Variants in FGF13 observed in about 807,000 individuals in gnomAD.
The protein encoded by FGF13 is fibroblast growth factor homologous factor 2.
A neutral mutation model predicts 19.5 loss-of-function variants in FGF13; 2 were observed. The ratio of observed to expected loss-of-function variants is 0.10; its 90% confidence interval spans 0.04 to 0.32. The LOEUF (loss-of-function observed/expected upper bound fraction) is 0.32. Ranked by LOEUF, FGF13 falls within the 10% of genes least tolerant of loss-of-function variation. The pLI is 1.00. For synonymous variants in FGF13, 72 were observed against 76.9 expected, an observed-to-expected ratio of 0.94 and a Z score of 0.33; for missense variants, 113 against 192.7, an observed-to-expected ratio of 0.59 and a Z score of 2.45.
At chrX:138,663,055 A>C (rs1362195083) in intron 3 of FGF13, among the ~76,000 whole-genome samples, 1 of 111,793 alleles carries the variant, frequency 8.9e-6, no homozygotes, top group Admixed American at 9.5e-5. Context: ...GGACTAATGG[A>C]AAGAAAGAAA....
chrX:138,703,163 G>T, intron 2 of FGF13, 76 bp from the exon 3 acceptor site: 1 of 775,933 alleles, frequency 1.3e-6, no homozygotes, highest in Non-Finnish European at 2.0e-6. Flanking sequence ...CAGCAGGACT[G>T]CCTGGTCCTC....
intron 1 of FGF13, among the ~76,000 whole-genome samples, chrX:139,115,250 G>A (rs746923656): frequency 3.2e-4 from 36 of 111,894 alleles, no homozygotes; most frequent in Non-Finnish European, 6.0e-4. Flanking sequence ...TCTGCTAGTT[G>A]ATTATCCAAC....
At chrX:138,780,257 T>TA (rs1368579896) in intron 3 of FGF13, among the ~76,000 whole-genome samples, 4 of 105,196 alleles carry the variant, frequency 3.8e-5, no homozygotes, top group Non-Finnish European at 7.8e-5. Context: ...CTGCATCAAC[T>TA]AACGAGCAAA....
At chrX:138,774,627 G>A (rs1047518508) in intron 3 of FGF13, among the ~76,000 whole-genome samples, 1 of 111,184 alleles carries the variant, frequency 9.0e-6, no homozygotes, top group African/African-American at 3.3e-5. Context: ...CACACTGTTG[G>A]CACTTAACAG....
intron 1 of FGF13, among the ~76,000 whole-genome samples, chrX:139,112,600 C>A (rs979818423): frequency 3.6e-5 from 4 of 111,804 alleles, no homozygotes; most frequent in African/African-American, 1.3e-4. Context: ...CCAGTCACAA[C>A]TGGGCTCAAA....
chrX:138,715,698 C>T (rs1452826004), upstream of FGF13, among the ~76,000 whole-genome samples: 1 of 112,363 alleles, frequency 8.9e-6, no homozygotes, highest in Non-Finnish European at 1.9e-5. Flanking sequence ...TACTTCCCAT[C>T]TCTCTGTTCT....
chrX:139,080,834 T>C (rs187276882), intron 1 of FGF13, among the ~76,000 whole-genome samples: 374 of 111,552 alleles, frequency 3.4e-3, no homozygotes, highest in African/African-American at 0.012. Flanking sequence ...ATCCTCCCAC[T>C]ACCACATTTA....
chrX:139,050,464 A>T (rs2092300545), intron 1 of FGF13, among the ~76,000 whole-genome samples: 1 of 112,147 alleles, frequency 8.9e-6, no homozygotes, highest in Non-Finnish European at 1.9e-5. Flanking sequence ...ACAGCCAAAT[A>T]TCAAAAGCAT....
chrX:139,085,728 CA>C (rs200513740), intron 1 of FGF13, among the ~76,000 whole-genome samples: 2 of 110,300 alleles, frequency 1.8e-5, no homozygotes, highest in Non-Finnish European at 3.8e-5. Context: ...ACCTAAATGT[CA>C]AAAAAAAGCC....
chrX:139,063,504 A>C (rs1332918600), intron 1 of FGF13, among the ~76,000 whole-genome samples: 1 of 111,863 alleles, frequency 8.9e-6, no homozygotes, highest in Non-Finnish European at 1.9e-5. Context: ...TTCAAGTTCA[A>C]GTATAATGTT....
chrX:138,882,013 T>C (rs888082565), intron 1 of FGF13, among the ~76,000 whole-genome samples: 3 of 110,751 alleles, frequency 2.7e-5, no homozygotes, highest in African/African-American at 9.8e-5. Context: ...TTGATATCTT[T>C]ATTCTTTCTT....
At chrX:139,093,926 G>A (rs2083454430) in intron 1 of FGF13, among the ~76,000 whole-genome samples, 1 of 111,962 alleles carries the variant, frequency 8.9e-6, no homozygotes, top group African/African-American at 3.2e-5. Context: ...TCATGGTCAG[G>A]GTTTTTATCT....
Position 139,123,814 on chromosome X carries a change from G to A in FGF13, c.-113+79602C>T, listed in dbSNP as rs190294899. ...ATATGTGATCTAAGTCCTAAATTAA[G>A]GCCCAGTATTATGTGCTGCCTTCGC... On this transcript the variant is annotated intron_variant, in intron 1 of 2. Coordinates refer to the FGF13 transcript ENST00000421460. Among the ~76,000 whole-genome samples the A allele has an allele frequency of 5.1e-3, 568 of 112,164 alleles. 2 individuals carry two copies. Among genetic ancestry groups the A allele is most frequent in the Non-Finnish European group, 5.8e-3 (308 of 53,214 alleles).
chrX:138,897,384 G>A (rs1264468657), intron 1 of FGF13, among the ~76,000 whole-genome samples: 1 of 111,028 alleles, frequency 9.0e-6, no homozygotes, highest in Non-Finnish European at 1.9e-5. Flanking sequence ...AAGGGCCTGG[G>A]ACTCTATTCA....
chrX:138,678,361 G>A (rs2089694675), intron 3 of FGF13, among the ~76,000 whole-genome samples: 1 of 111,663 alleles, frequency 9.0e-6, no homozygotes, highest in Non-Finnish European at 1.9e-5. Flanking sequence ...AAAACTTAAA[G>A]TATAATAATA....
At chrX:138,930,504 A>G in intron 1 of FGF13, among the ~76,000 whole-genome samples, 1 of 112,206 alleles carries the variant, frequency 8.9e-6, no homozygotes. Context: ...GAGAAATCGC[A>G]AAAATGAAGA....
At chrX:138,816,226 C>A (rs747704385) in intron 3 of FGF13, among the ~76,000 whole-genome samples, 2 of 111,172 alleles carry the variant, frequency 1.8e-5, no homozygotes, top group Non-Finnish European at 3.8e-5. Context: ...ATGGCTTTTA[C>A]GTTTATGAAA....
intron 1 of FGF13, among the ~76,000 whole-genome samples, chrX:139,033,126 G>C (rs2092236597): frequency 9.2e-6 from 1 of 108,288 alleles, no homozygotes; most frequent in South Asian, 4.1e-4. Flanking sequence ...GCTCTGTGAG[G>C]AAACTCCTAG....
At chrX:138,865,432 TTCTCTCTCTCTCTCTCTCC>T (rs1569414005) in intron 1 of FGF13, among the ~76,000 whole-genome samples, 2 of 99,045 alleles carry the variant, frequency 2.0e-5, no homozygotes, top group African/African-American at 3.9e-5. Flanking sequence ...CCTCTCTCTC[TTCTCTCTCTCTCTCTCTCC>T]TCTCTCTCTC....
Sources: gnomAD v4.1 joint callset for allele counts (sites outside exome capture counted in the v4.1 genomes callset) on GRCh38, gnomAD v4.1.1 for gene constraint, MANE v1.5 for transcripts, NCBI Gene and HGNC (gene_info 2026-07-23, HGNC 2026-07-21) for gene names.